The following TENM4 variants were observed in gnomAD, a reference collection of about 807,000 sequenced individuals.
TENM4 encodes teneurin transmembrane protein 4, also known as teneurin-4.
Under a neutral mutation model 243.3 loss-of-function variants are expected in TENM4, and 82 were observed. The observed-to-expected ratio is 0.34, with a 90% confidence interval of 0.28 to 0.40. TENM4 has a LOEUF of 0.40. Among genes scored for constraint, TENM4 ranks in the 10% least tolerant of loss-of-function variants. TENM4 has a pLI of 1.00. For missense variants in TENM4, 3,138 were observed against 3,673.3 expected (o/e 0.85, Z 3.77); for synonymous variants, 1,412 against 1,456.3 (o/e 0.97, Z 0.69).
chr11:79,325,590 A>G (rs1856960477), intron 1 of TENM4, among the ~76,000 whole-genome samples: 1 of 152,198 alleles, frequency 6.6e-6, no homozygotes, highest in East Asian at 1.9e-4. Context: ...TGTCGAGATT[A>G]ACTGTTAACT....
chr11:78,667,259 CT>C (rs1235934474), intron 32 of TENM4, among the ~76,000 whole-genome samples: 1 of 152,158 alleles, frequency 6.6e-6, no homozygotes, highest in Non-Finnish European at 1.5e-5. Context: ...CTATTCTCCC[CT>C]CTTTCCTATG....
At chr11:78,769,804 C>A (rs1856610698) in intron 18 of TENM4, among the ~76,000 whole-genome samples, 1 of 152,236 alleles carries the variant, frequency 6.6e-6, no homozygotes, top group African/African-American at 2.4e-5. Context: ...TGAAAGCCGG[C>A]TGGCTCAAAG....
intron 25 of TENM4, among the ~76,000 whole-genome samples, chr11:78,713,813 T>G (rs2135809709): frequency 6.6e-6 from 1 of 152,298 alleles, no homozygotes; most frequent in Non-Finnish European, 1.5e-5. Flanking sequence ...GACTGAATTT[T>G]TTTACCCCCT....
At position 79,440,838 on chromosome 11, in the gene TENM4, G is replaced by GTT. The variant is rs1159834820; in HGVS notation, c.-651_-650insAA. The GTT allele has an allele frequency of 3.4e-5, 5 of 145,836 alleles. No individual in the cohort carries two copies. Among genetic ancestry groups the GTT allele is most frequent in the African/African-American group, 1.3e-4 (5 of 38,470 alleles). 9.0% of individuals were successfully genotyped at this position (145,836 alleles called of 1,614,324 possible). On this transcript the variant is annotated 5_prime_UTR_variant, in exon 1 of 34. Transcript: ENST00000278550. The surrounding 1 kb of genome is among the most constrained non-coding windows in gnomAD (Gnocchi z 4.7). ...CCGAGGCTTCTGGGGGGTTGGGGCG[G>GTT]GTGTGTGCGCGCGCGTGTGTGAGTG...
Position 78,992,047 on chromosome 11 carries a change from G to T in TENM4, c.493+72691C>A, listed in dbSNP as rs1377860460. Among the ~76,000 whole-genome samples, 11 of 152,316 alleles carry T rather than the reference G, an allele frequency of 7.2e-5. No homozygotes were observed. In the South Asian group the frequency reaches 2.1e-3, roughly 29 times the overall value. ...TGACTCATTAACTTCCCACTCTGAA[G>T]GTAGATCTATTCAAAAGAAATTTAA... On this transcript the variant is annotated intron_variant, in intron 6 of 33. Transcript: ENST00000278550.
At chr11:78,885,979 C>A (rs1415331684) in intron 9 of TENM4, among the ~76,000 whole-genome samples, 6 of 152,114 alleles carry the variant, frequency 3.9e-5, no homozygotes. Context: ...GTCAGGATTA[C>A]CAACCAGACG....
At chr11:79,346,810 A>G (rs1050571265) in intron 1 of TENM4, among the ~76,000 whole-genome samples, 11 of 152,222 alleles carry the variant, frequency 7.2e-5, no homozygotes, top group African/African-American at 2.7e-4. Context: ...AACTGCCTCA[A>G]GGCCAAAGTG....
intron 6 of TENM4, among the ~76,000 whole-genome samples, chr11:79,042,761 C>T (rs1225457317): frequency 1.3e-5 from 2 of 152,186 alleles, no homozygotes; most frequent in Non-Finnish European, 2.9e-5. Context: ...ATTTTAATCA[C>T]TTCTTTCTGC....
chr11:79,133,467 A>G (rs1862050303), intron 4 of TENM4, among the ~76,000 whole-genome samples: 1 of 152,280 alleles, frequency 6.6e-6, no homozygotes, highest in South Asian at 2.1e-4. Context: ...ATTCCACAAG[A>G]TCGAGAAAGA....
At chr11:78,920,925 G>A (rs942512042) in intron 6 of TENM4, among the ~76,000 whole-genome samples, 6 of 152,202 alleles carry the variant, frequency 3.9e-5, no homozygotes, top group Admixed American at 3.3e-4. Flanking sequence ...AGCCTCCTGT[G>A]TGCCGGGCTC....
intron 1 of TENM4, among the ~76,000 whole-genome samples, chr11:79,335,559 A>G (rs1356360091): frequency 1.3e-5 from 2 of 152,222 alleles, no homozygotes; most frequent in Non-Finnish European, 2.9e-5. Flanking sequence ...GTTTGAAGTC[A>G]GGATTGAAGA....
intron 3 of TENM4, among the ~76,000 whole-genome samples, chr11:79,196,276 C>T (rs928764718): frequency 4.6e-5 from 7 of 152,060 alleles, no homozygotes; most frequent in Non-Finnish European, 1.0e-4. Context: ...CCCAACAGGC[C>T]TGGCTCTGAG....
intron 1 of TENM4, among the ~76,000 whole-genome samples, chr11:79,345,825 C>T (rs1436954835): frequency 6.6e-6 from 1 of 152,188 alleles, no homozygotes; most frequent in African/African-American, 2.4e-5. Context: ...CCAGCACACA[C>T]AGGTGGGAAT....
At chr11:78,872,904 T>C (rs528521677) in intron 9 of TENM4, among the ~76,000 whole-genome samples, 2 of 152,292 alleles carry the variant, frequency 1.3e-5, no homozygotes, top group Middle Eastern at 3.4e-3. Flanking sequence ...TTTGTGTATG[T>C]ATTATTAGGA....
chr11:79,309,438 A>G (rs1417233291), intron 1 of TENM4, among the ~76,000 whole-genome samples: 2 of 152,202 alleles, frequency 1.3e-5, no homozygotes, highest in East Asian at 3.9e-4. Context: ...AAGGCCTCCC[A>G]GACAAGAAAG....
At chr11:78,816,239 C>T (rs147397155) in intron 12 of TENM4, among the ~76,000 whole-genome samples, 1 of 152,336 alleles carries the variant, frequency 6.6e-6, no homozygotes, top group East Asian at 1.9e-4. Context: ...ACCCTGGGCA[C>T]CTTGCTATGG....
chr11:78,848,829 GAGGA>G (rs67325005), intron 12 of TENM4, among the ~76,000 whole-genome samples: 70,219 of 151,244 alleles, frequency 0.46, 17,302 homozygotes, highest in Middle Eastern at 0.6. Flanking sequence ...GGAAAGCAAA[GAGGA>G]AGGAAGGAAG....
At chr11:79,171,795 A>G (rs969038392) in intron 3 of TENM4, among the ~76,000 whole-genome samples, 2 of 152,252 alleles carry the variant, frequency 1.3e-5, no homozygotes, top group African/African-American at 4.8e-5. Context: ...TCATTAACAT[A>G]GCTAATGCTG....
chr11:79,190,158 T>C (rs976283378), intron 3 of TENM4, among the ~76,000 whole-genome samples: 21 of 152,226 alleles, frequency 1.4e-4, no homozygotes, highest in Admixed American at 1.4e-3. Context: ...TGCCTGTTTG[T>C]CTTACTTGGT....
Sources: gnomAD v4.1 joint callset for allele counts (sites outside exome capture counted in the v4.1 genomes callset) on GRCh38, gnomAD v4.1.1 for gene constraint, Gnocchi (gnomAD v3.1) non-coding constraint, MANE v1.5 for transcripts, NCBI Gene and HGNC (gene_info 2026-07-23, HGNC 2026-07-21) for gene names.